The following ADORA2B variants were observed in gnomAD, a reference collection of about 807,000 sequenced individuals.
The protein encoded by ADORA2B is adenosine receptor A2b.
Under a neutral mutation model 20.8 loss-of-function variants are expected in ADORA2B, and 18 were observed. That is an observed-to-expected ratio of 0.87 (90% confidence interval 0.60 to 1.29). ADORA2B has a LOEUF of 1.29. Among genes scored for constraint, ADORA2B ranks in the 50% most tolerant of loss-of-function variants. The probability of loss-of-function intolerance (pLI) is 0.00; values close to 1 mark genes in which losing one functional copy is unlikely to be tolerated. For missense variants in ADORA2B, 441 were observed against 422.7 expected (o/e 1.04, Z -0.38); for synonymous variants, 179 against 178.3 (o/e 1.00, Z -0.03).
chr17:15,873,938 A>G, the ADORA2B span, among the ~76,000 whole-genome samples: 1 of 152,080 alleles, frequency 6.6e-6, no homozygotes, highest in Admixed American at 6.6e-5. Context: ...AAAGACACAC[A>G]TGCATGTTTA....
chr17:15,905,595 T>C, the ADORA2B span, among the ~76,000 whole-genome samples: 1 of 151,906 alleles, frequency 6.6e-6, no homozygotes, highest in Non-Finnish European at 1.5e-5. Flanking sequence ...TTAGCTAGGA[T>C]AGTCTCGATC....
At chr17:15,882,819 A>G in the ADORA2B span, among the ~76,000 whole-genome samples, 13,012 of 152,172 alleles carry the variant, frequency 0.086, 1,574 homozygotes, top group African/African-American at 0.27. Flanking sequence ...CTTTCCTCCC[A>G]TGGGCCGTTT....
At chr17:15,860,247 T>C in the ADORA2B span, among the ~76,000 whole-genome samples, 13 of 152,190 alleles carry the variant, frequency 8.5e-5, no homozygotes, top group Non-Finnish European at 1.5e-5. Context: ...TTGCTGATGC[T>C]CCCAGACGAA....
the ADORA2B span, among the ~76,000 whole-genome samples, chr17:15,872,706 G>A: frequency 7.2e-5 from 11 of 152,068 alleles, no homozygotes; most frequent in Admixed American, 2.6e-4. Context: ...TCTCAGCTTC[G>A]TCGTTGTTGG....
At chr17:15,944,953 G>A, upstream of ADORA2B, 1 of 236,716 alleles carries the variant, frequency 4.2e-6, no homozygotes, top group Non-Finnish European at 8.1e-6. This position sits in a 1 kb window ranked among gnomAD's most constrained non-coding sequence, Gnocchi z 4.8. Context: ...ACCAAGACGC[G>A]GCACGGCGCC....
chr17:15,853,004 A>T, the ADORA2B span, among the ~76,000 whole-genome samples: 1 of 151,716 alleles, frequency 6.6e-6, no homozygotes, highest in African/African-American at 2.4e-5. Context: ...GTTAAGCCCT[A>T]GATTCAAGAA....
At chr17:15,965,592 G>C (rs1970106318) in intron 1 of ADORA2B, among the ~76,000 whole-genome samples, 1 of 152,260 alleles carries the variant, frequency 6.6e-6, no homozygotes, top group African/African-American at 2.4e-5. Context: ...ACACTGCTTT[G>C]GTTCACCTGT....
At chr17:15,918,073 G>T in the ADORA2B span, among the ~76,000 whole-genome samples, 2 of 152,198 alleles carry the variant, frequency 1.3e-5, no homozygotes, top group Non-Finnish European at 2.9e-5. Flanking sequence ...GGGAGTCTGC[G>T]CTCGGGGTGG....
At position 15,975,444 on chromosome 17, in the gene ADORA2B, T is replaced by G. The variant is rs1021212811; in HGVS notation, c.*102T>G. The G allele has an allele frequency of 7.9e-7, 1 of 1,266,864 alleles. No homozygotes were observed. Among genetic ancestry groups the G allele is most frequent in the Admixed American group, 2.2e-5 (1 of 45,178 alleles). 78.5% of individuals were successfully genotyped at this position (1,266,864 alleles called of 1,614,324 possible). A position where few individuals can be genotyped will look rare whatever the true frequency, so the allele number is the denominator to read the frequency against. ...AAGATAGCTACACCTCACAAGGAAA[T>G]GGACTGCCTCTCTTGAGCACTTCCC... On this transcript the variant is annotated 3_prime_UTR_variant, in exon 2 of 2. Coordinates refer to ENST00000304222, the MANE Select transcript of ADORA2B (RefSeq NM_000676.4).
the ADORA2B span, among the ~76,000 whole-genome samples, chr17:15,907,678 C>A: frequency 1.7e-3 from 260 of 152,136 alleles, no homozygotes; most frequent in African/African-American, 5.8e-3. Context: ...ACAACAACAA[C>A]AAAAAACACA....
At chr17:15,968,302 C>T (rs117417380) in intron 1 of ADORA2B, among the ~76,000 whole-genome samples, 6 of 152,208 alleles carry the variant, frequency 3.9e-5, no homozygotes, top group Non-Finnish European at 5.9e-5. Context: ...CCCACATATA[C>T]GGAGGGCTGC....
At chr17:15,958,555 C>G (rs1456156575) in intron 1 of ADORA2B, among the ~76,000 whole-genome samples, 2 of 152,144 alleles carry the variant, frequency 1.3e-5, no homozygotes, top group Non-Finnish European at 2.9e-5. Context: ...TGCCCCTACT[C>G]CCCACCTGGT....
At chr17:15,920,975 C>T in the ADORA2B span, among the ~76,000 whole-genome samples, 1 of 152,192 alleles carries the variant, frequency 6.6e-6, no homozygotes, top group Non-Finnish European at 1.5e-5. Flanking sequence ...AATTCTCTCG[C>T]TCTGGAATTG....
At chr17:15,858,294 T>C in the ADORA2B span, among the ~76,000 whole-genome samples, 1 of 152,084 alleles carries the variant, frequency 6.6e-6, no homozygotes, top group African/African-American at 2.4e-5. Context: ...ATGGCCTTCC[T>C]AACAGGTGTG....
chr17:15,971,281 G>A (rs1041693646), intron 1 of ADORA2B, among the ~76,000 whole-genome samples: 1 of 152,230 alleles, frequency 6.6e-6, no homozygotes, highest in African/African-American at 2.4e-5. Context: ...CACATCTCCA[G>A]TGAGGCAATG....
At chr17:15,940,306 G>A (rs74911017), upstream of ADORA2B, among the ~76,000 whole-genome samples, 603 of 152,312 alleles carry the variant, frequency 4.0e-3, 6 homozygotes, top group African/African-American at 0.014. Context: ...CCCAACAGTC[G>A]TTCACTGAGC....
intron 1 of ADORA2B, among the ~76,000 whole-genome samples, chr17:15,969,246 C>G (rs8075244): frequency 6.6e-6 from 1 of 151,954 alleles, no homozygotes; most frequent in Admixed American, 6.6e-5. Context: ...GTCAGGAGAT[C>G]GAGACCATCC....
chr17:15,878,184 T>TACAC, the ADORA2B span, among the ~76,000 whole-genome samples: 8,435 of 143,750 alleles, frequency 0.059, 278 homozygotes, highest in Middle Eastern at 0.086. Context: ...TGTGTGTGTA[T>TACAC]ACACACACAC....
chr17:15,938,169 CAAA>C, the ADORA2B span, among the ~76,000 whole-genome samples: 1 of 138,406 alleles, frequency 7.2e-6, no homozygotes, highest in East Asian at 2.1e-4. Flanking sequence ...GAGACTTTGT[CAAA>C]AGAGAGAGAA....
Sources: gnomAD v4.1 joint callset for allele counts (sites outside exome capture counted in the v4.1 genomes callset) on GRCh38, gnomAD v4.1.1 for gene constraint, Gnocchi (gnomAD v3.1) non-coding constraint, MANE v1.5 for transcripts, NCBI Gene and HGNC (gene_info 2026-07-23, HGNC 2026-07-21) for gene names.